The following HYDIN variants were observed in gnomAD, a reference collection of about 807,000 sequenced individuals.
The protein encoded by HYDIN is axonemal central pair apparatus protein HYDIN.
Under a neutral mutation model 403.9 loss-of-function variants are expected in HYDIN, and 132 were observed. That is an observed-to-expected ratio of 0.33 (90% CI 0.28 to 0.38). The LOEUF (loss-of-function observed/expected upper bound fraction) is 0.38, where lower values mean the gene tolerates loss of function less well. Among genes scored for constraint, HYDIN ranks in the 10% least tolerant of loss-of-function variants. The pLI, the probability that HYDIN is intolerant of heterozygous loss-of-function variation, is 1.00. For missense variants in HYDIN, 2,827 were observed against 5,009.5 expected, an observed-to-expected ratio of 0.56 and a Z score of 13.15; for synonymous variants, 1,202 against 1,891.7, an observed-to-expected ratio of 0.64 and a Z score of 9.46.
At position 71,224,610 on chromosome 16, in the gene HYDIN, G is replaced by T. The variant is rs183877839; in HGVS notation, c.-24+5952C>A. 5.1e-3 allele frequency among the ~76,000 whole-genome samples: 700 copies of T among 136,842 alleles called. 15 individuals carry two copies. The highest frequency in any genetic ancestry group is 0.046 in the East Asian group (215 of 4,654). The allele number at this position is 136,842 out of a possible 152,430, so 89.8% of individuals were successfully genotyped here. On this transcript the variant is annotated intron_variant, in intron 1 of 85. Coordinates refer to ENST00000393567, the MANE Select transcript of HYDIN (RefSeq NM_001270974.2). ...GGAGTCTCGCTCTGTCGCCCAGGCT[G>T]GAGTGCAGTGGCGGGATCTCGGCTC...
chr16:71,000,220 T>C (rs565686925), intron 23 of HYDIN, among the ~76,000 whole-genome samples: 7 of 152,160 alleles, frequency 4.6e-5, no homozygotes, highest in Non-Finnish European at 8.8e-5. Flanking sequence ...GTACTGATAG[T>C]TTCCGCTGAT....
chr16:71,229,545 T>C (rs2041188519), intron 1 of HYDIN, among the ~76,000 whole-genome samples: 1 of 152,208 alleles, frequency 6.6e-6, no homozygotes, highest in South Asian at 2.1e-4. Context: ...ATCCATTCAA[T>C]AGAATAGTAC....
chr16:71,195,216 A>G (rs548345007), intron 1 of HYDIN, among the ~76,000 whole-genome samples: 1 of 152,204 alleles, frequency 6.6e-6, no homozygotes, highest in African/African-American at 2.4e-5. Context: ...CCTGGCACGT[A>G]ATTGTTACTG....
rs2079625018 is a variant in HYDIN, at chr16:70,999,234, G to A, written c.3645-7024C>T. Among the ~76,000 whole-genome samples, 4 of 152,240 alleles carry A rather than the reference G, an allele frequency of 2.6e-5. No individual in the cohort carries two copies. In the South Asian group the frequency reaches 6.2e-4, roughly 24 times the overall value. On this transcript the variant is annotated intron_variant, in intron 23 of 85. Transcript: ENST00000393567. ...GACTGAAGCCTGAATCCCAACCATAGAGATTCTGATTTACTTGGCTTCAAT... is the reference window on the plus strand; with the variant it reads ...GACTGAAGCCTGAATCCCAACCATAAAGATTCTGATTTACTTGGCTTCAAT...
intron 36 of HYDIN, among the ~76,000 whole-genome samples, chr16:70,969,574 T>C (rs2078678738): frequency 6.6e-6 from 1 of 151,568 alleles, no homozygotes; most frequent in South Asian, 2.1e-4. Context: ...CATTCTCAGA[T>C]GAAGGAAAAC....
chr16:71,005,431 T>C (rs1170624322), intron 23 of HYDIN, among the ~76,000 whole-genome samples: 1 of 151,966 alleles, frequency 6.6e-6, no homozygotes, highest in Non-Finnish European at 1.5e-5. Context: ...TACGATCACA[T>C]GGTGAGAAGG....
Position 70,853,011 on chromosome 16 carries a change from TAA to T in HYDIN, c.12443+2115_12443+2116del, listed in dbSNP as rs77008189. Among the ~76,000 whole-genome samples the T allele has an allele frequency of 4.8e-3, 628 of 131,006 alleles. 1 individual carries two copies. Among genetic ancestry groups the T allele is most frequent in the African/African-American group, 6.5e-3 (227 of 34,958 alleles). 85.9% of individuals were successfully genotyped at this position (131,006 alleles called of 152,430 possible). ...CAACATGGTGAAACCCCATCTCTACTAAAAAAAAAAAAAAAAAAAATTAGCCG... is the reference window on the plus strand; with the variant it reads ...CAACATGGTGAAACCCCATCTCTACTAAAAAAAAAAAAAAAAAATTAGCCG... On this transcript the variant is annotated intron_variant, in intron 73 of 85. Coordinates refer to ENST00000393567, the MANE Select transcript of HYDIN (RefSeq NM_001270974.2).
At chr16:70,920,420 G>A (rs987394807) in intron 46 of HYDIN, among the ~76,000 whole-genome samples, 171 bp downstream of exon 46, 1 of 151,374 alleles carries the variant, frequency 6.6e-6, no homozygotes. Flanking sequence ...ATTTTCTCTT[G>A]CCAAGTAGAA....
chr16:71,176,162 G>A (rs1294635255), intron 4 of HYDIN, among the ~76,000 whole-genome samples: 14 of 131,138 alleles, frequency 1.1e-4, no homozygotes, highest in Middle Eastern at 7.2e-3. Context: ...AAAATTAGCC[G>A]GGTGTGGTAG....
rs765495432 is a variant in HYDIN, at chr16:71,070,324, T to TC, written c.1739-823_1739-822insG. Among the ~76,000 whole-genome samples, 890 of 146,960 alleles carry TC rather than the reference T, an allele frequency of 6.1e-3. 4 individuals are homozygous for TC. The highest frequency in any genetic ancestry group is 9.1e-3 in the Non-Finnish European group (606 of 66,726). ...TCCTTCCTTCCTTCCTTTCTTTCTT[T>TC]TTTTTTTTTTTTGAGACAGAGTCTT... On this transcript the variant is annotated intron_variant, in intron 13 of 85. Coordinates refer to ENST00000393567, the MANE Select transcript of HYDIN (RefSeq NM_001270974.2).
intron 9 of HYDIN, among the ~76,000 whole-genome samples, chr16:71,123,378 G>GA (rs1411142899): frequency 6.6e-6 from 1 of 151,202 alleles, no homozygotes; most frequent in African/African-American, 2.4e-5. Context: ...TTCCAAAGGG[G>GA]AAAAAAACCC....
At chr16:71,053,808 G>A (rs899547768) in intron 18 of HYDIN, among the ~76,000 whole-genome samples, 1 of 152,066 alleles carries the variant, frequency 6.6e-6, no homozygotes, top group Non-Finnish European at 1.5e-5. Flanking sequence ...AGGATCTGAG[G>A]TAAATAAATG....
chr16:71,117,930 G>C (rs1373168756), intron 9 of HYDIN, among the ~76,000 whole-genome samples: 1 of 151,730 alleles, frequency 6.6e-6, no homozygotes, highest in Non-Finnish European at 1.5e-5. Flanking sequence ...TTAAGGGGGA[G>C]CAGAGAGGGC....
intron 11 of HYDIN, among the ~76,000 whole-genome samples, chr16:71,089,357 A>T (rs2083036170): frequency 1.3e-5 from 2 of 151,946 alleles, no homozygotes; most frequent in African/African-American, 4.8e-5. Context: ...GCTTCCAAAG[A>T]CACCACCTCT....
chr16:70,830,164 T>C (rs2036879007), intron 80 of HYDIN, among the ~76,000 whole-genome samples: 1 of 150,670 alleles, frequency 6.6e-6, no homozygotes, highest in Admixed American at 6.6e-5. Flanking sequence ...AAAGACAAAG[T>C]AGAAGGGGTG....
At chr16:70,916,308 C>T (rs2076838906) in intron 47 of HYDIN, among the ~76,000 whole-genome samples, 1 of 152,222 alleles carries the variant, frequency 6.6e-6, no homozygotes, top group African/African-American at 2.4e-5. Flanking sequence ...AGGGAGCTCC[C>T]AGGGCCTTTC....
chr16:71,073,483 T>A (rs2082532579), intron 13 of HYDIN, among the ~76,000 whole-genome samples: 1 of 152,210 alleles, frequency 6.6e-6, no homozygotes, highest in Non-Finnish European at 1.5e-5. Flanking sequence ...AGCTACATAC[T>A]GCCAATTTAT....
intron 10 of HYDIN, among the ~76,000 whole-genome samples, chr16:71,100,553 A>C (rs2083427462): frequency 6.6e-6 from 1 of 152,230 alleles, no homozygotes; most frequent in Admixed American, 6.5e-5. Flanking sequence ...GTGCAAAATG[A>C]CAAAGGAAAC....
chr16:71,037,178 G>A (rs1403483665), intron 18 of HYDIN, among the ~76,000 whole-genome samples: 4 of 149,048 alleles, frequency 2.7e-5, no homozygotes, highest in Admixed American at 6.7e-5. Flanking sequence ...TCCATATAGA[G>A]CTGTGGGGAC....
Sources: allele counts gnomAD v4.1 joint callset (sites outside exome capture counted in the v4.1 genomes callset), GRCh38; gene constraint gnomAD v4.1.1; transcripts MANE v1.5; gene names NCBI Gene and HGNC (gene_info 2026-07-23, HGNC 2026-07-21).